DNAH6: variants seen among roughly 807,000 people sequenced by gnomAD.
The protein encoded by DNAH6 is axonemal beta dynein heavy chain 6.
Under a neutral mutation model 491.4 loss-of-function variants are expected in DNAH6, and 340 were observed. That is an observed-to-expected ratio of 0.69 (90% confidence interval 0.63 to 0.76). The LOEUF (loss-of-function observed/expected upper bound fraction) is 0.76, where lower values mean the gene tolerates loss of function less well. Among genes scored for constraint, DNAH6 ranks in the 30% least tolerant of loss-of-function variants. The pLI, the probability that DNAH6 is intolerant of heterozygous loss-of-function variation, is 0.00. For missense variants in DNAH6, 4,443 were observed against 4,972.2 expected (o/e 0.89, Z 3.20); for synonymous variants, 1,603 against 1,686.1 (o/e 0.95, Z 1.21).
intron 73 of DNAH6, 146 bp from the exon 74 acceptor site, chr2:84,812,912 C>T (rs1002310639): frequency 7.6e-5 from 50 of 658,894 alleles, no homozygotes; most frequent in Admixed American, 2.7e-4. Flanking sequence ...AAGGGGAATG[C>T]GGCAGGCAGT....
At chr2:84,647,615 A>G (rs1368521603) in intron 33 of DNAH6, among the ~76,000 whole-genome samples, 3 of 152,202 alleles carry the variant, frequency 2.0e-5, no homozygotes, top group Non-Finnish European at 4.4e-5. Context: ...ACAACAAGGC[A>G]TGGATGACAG....
intron 29 of DNAH6, among the ~76,000 whole-genome samples, chr2:84,631,126 A>G (rs1688361083): frequency 1.3e-5 from 2 of 152,150 alleles, no homozygotes; most frequent in African/African-American, 4.8e-5. Context: ...GACTCAGACT[A>G]TTTGCTTCTC....
intron 75 of DNAH6, among the ~76,000 whole-genome samples, chr2:84,814,742 A>G (rs1197737788): frequency 6.6e-6 from 1 of 152,150 alleles, no homozygotes; most frequent in Non-Finnish European, 1.5e-5. Flanking sequence ...ACCCTAGTTC[A>G]TACCATGTCT....
intron 18 of DNAH6, among the ~76,000 whole-genome samples, chr2:84,597,248 A>C (rs1183525571): frequency 6.6e-6 from 1 of 152,220 alleles, no homozygotes; most frequent in African/African-American, 2.4e-5. Flanking sequence ...ATGTAGTTGT[A>C]CCTAAAATAT....
chr2:84,796,339 G>A lies in DNAH6; in HGVS notation c.11273G>A (p.Ser3758Asn). 1 of 1,531,558 alleles carries A rather than the reference G, an allele frequency of 6.5e-7. No individual in the cohort carries two copies. Among genetic ancestry groups the A allele is most frequent in the South Asian group, 1.2e-5 (1 of 80,164 alleles). The allele number at this position is 1,531,558 out of a possible 1,614,324, so 94.9% of individuals were successfully genotyped here. ...ACTTATGGTGGTAGAGTCACAGACA[G>A]CTGGGACCAAAGATGCCTTCGTACT... The part of the protein sequence containing the change: ...EITYGGRVTD[S>N]WDQRCLRTIL... Residue 3758 changes from serine (S) to asparagine (N), a missense_variant, in exon 69 of 77, where the codon AGC (serine) becomes AAC (asparagine). Ser to Asn is a conservative substitution (Grantham distance 46). Coordinates refer to ENST00000389394, the MANE Select transcript of DNAH6 (RefSeq NM_001370.2).
chr2:84,744,128 A>T (rs1672754451), intron 62 of DNAH6, among the ~76,000 whole-genome samples: 1 of 152,224 alleles, frequency 6.6e-6, no homozygotes, highest in South Asian at 2.1e-4. Context: ...CATGGTCAGA[A>T]GTGTCACTAA....
the DNAH6 span, among the ~76,000 whole-genome samples, chr2:84,462,645 A>G: frequency 1.3e-5 from 2 of 152,238 alleles, no homozygotes; most frequent in Admixed American, 6.5e-5. Context: ...CCAAAACATT[A>G]CTGGTATTAA....
chr2:84,623,562 C>T (rs1319613620), intron 26 of DNAH6, among the ~76,000 whole-genome samples: 1 of 152,100 alleles, frequency 6.6e-6, no homozygotes, highest in African/African-American at 2.4e-5. Flanking sequence ...AGAAAACACT[C>T]TCATGAAATT....
chr2:84,538,386 T>C (rs1427129444), intron 4 of DNAH6, among the ~76,000 whole-genome samples: 3 of 152,176 alleles, frequency 2.0e-5, no homozygotes, highest in Non-Finnish European at 4.4e-5. Context: ...GAATAATGTC[T>C]GATGCTCCCA....
chr2:84,679,443 G>A (rs777791384), intron 41 of DNAH6, among the ~76,000 whole-genome samples: 11 of 152,272 alleles, frequency 7.2e-5, no homozygotes, highest in East Asian at 1.9e-4. Flanking sequence ...AGGGTAAACC[G>A]AACAGCACAC....
chr2:84,657,073 T>C (rs72922776), intron 35 of DNAH6, among the ~76,000 whole-genome samples: 1,724 of 152,190 alleles, frequency 0.011, 32 homozygotes, highest in African/African-American at 0.038. Context: ...TCCAGCACCA[T>C]TTTTTGAAAA....
chr2:84,553,418 TTTCTTTCTTTCTTTC>T (rs1163499967), intron 10 of DNAH6, among the ~76,000 whole-genome samples: 5 of 148,736 alleles, frequency 3.4e-5, no homozygotes, highest in Non-Finnish European at 6.0e-5. Flanking sequence ...TCTTTCTTTC[TTTCTTTCTTTCTTTC>T]TTTTTCTCTT....
At chr2:84,763,927 C>T (rs1205143420) in intron 64 of DNAH6, among the ~76,000 whole-genome samples, 1 of 152,098 alleles carries the variant, frequency 6.6e-6, no homozygotes, top group Non-Finnish European at 1.5e-5. Context: ...ATGTTTCAGT[C>T]TGAGTCTAAA....
At chr2:84,552,881 T>G (rs1679537740) in intron 9 of DNAH6, 37 bp from the exon 10 acceptor site, 1 of 1,233,666 alleles carries the variant, frequency 8.1e-7, no homozygotes, top group Admixed American at 2.4e-5. Context: ...ACCTTGATAC[T>G]TGTGTCTTTA....
intron 11 of DNAH6, among the ~76,000 whole-genome samples, chr2:84,560,806 T>C (rs1313441133): frequency 6.6e-6 from 1 of 152,202 alleles, no homozygotes; most frequent in Non-Finnish European, 1.5e-5. Flanking sequence ...TTCTTATGGC[T>C]GCATAGTATT....
chr2:84,560,007 A>G (rs1004773052), intron 11 of DNAH6, among the ~76,000 whole-genome samples: 1 of 152,208 alleles, frequency 6.6e-6, no homozygotes, highest in African/African-American at 2.4e-5. Flanking sequence ...TAGAGAAATC[A>G]GTAAAATGGT....
chr2:84,569,954 G>T (rs1268104600), intron 11 of DNAH6, among the ~76,000 whole-genome samples: 1 of 151,936 alleles, frequency 6.6e-6, no homozygotes, highest in African/African-American at 2.4e-5. Flanking sequence ...ATTGTATGTG[G>T]GGTGTATGTG....
intron 4 of DNAH6, among the ~76,000 whole-genome samples, chr2:84,536,729 G>A (rs985646429): frequency 1.8e-4 from 27 of 152,060 alleles, no homozygotes; most frequent in Middle Eastern, 3.4e-3. Flanking sequence ...TTTGCTGCCT[G>A]CTACTTTTAC....
At chr2:84,596,387 G>A (rs1282966946) in intron 18 of DNAH6, among the ~76,000 whole-genome samples, 2 of 151,936 alleles carry the variant, frequency 1.3e-5, no homozygotes, top group Admixed American at 6.6e-5. Context: ...GCAGTGGCAC[G>A]ATCTCGGCTC....
Sources: allele counts gnomAD v4.1 joint callset (sites outside exome capture counted in the v4.1 genomes callset), GRCh38; gene constraint gnomAD v4.1.1; transcripts MANE v1.5; gene names NCBI Gene and HGNC (gene_info 2026-07-23, HGNC 2026-07-21).